OR9Q1: variants seen among roughly 807,000 people sequenced by gnomAD.
The protein encoded by OR9Q1 is olfactory receptor 9Q1.
For missense variants in OR9Q1, 374 were observed against 378.8 expected (o/e 0.99, Z 0.11); for synonymous variants, 153 against 148.6 (o/e 1.03, Z -0.22).
chr11:58,118,928 G>T (rs2120128499), intron 2 of OR9Q1: 1 of 1,614,032 alleles, frequency 6.2e-7, no homozygotes. Context: ...AAGTTTATTT[G>T]ATTGTCCTTA....
chr11:58,167,804 C>T (rs1854519327), intron 2 of OR9Q1, among the ~76,000 whole-genome samples: 2 of 152,146 alleles, frequency 1.3e-5, no homozygotes, highest in Non-Finnish European at 2.9e-5. Context: ...GGCAAAGGTC[C>T]AAGAGTCAAA....
chr11:58,125,151 C>T (rs1455299494), intron 2 of OR9Q1: 1 of 151,998 alleles, frequency 6.6e-6, no homozygotes, highest in Non-Finnish European at 1.5e-5. Context: ...CCACGCCTCC[C>T]ACATGAAACT....
At chr11:58,166,477 G>A (rs1854505951) in intron 2 of OR9Q1, among the ~76,000 whole-genome samples, 1 of 151,508 alleles carries the variant, frequency 6.6e-6, no homozygotes. Context: ...GGATGTCACT[G>A]TAACTTGTTA....
At chr11:58,129,422 C>T (rs921867886) in intron 2 of OR9Q1, among the ~76,000 whole-genome samples, 1 of 152,170 alleles carries the variant, frequency 6.6e-6, no homozygotes, top group Admixed American at 6.5e-5. Flanking sequence ...AAACCTACAT[C>T]AGATTCTGTA....
At chr11:58,155,194 T>A (rs985681745) in intron 2 of OR9Q1, among the ~76,000 whole-genome samples, 2 of 151,888 alleles carry the variant, frequency 1.3e-5, no homozygotes, top group African/African-American at 4.8e-5. Context: ...AGAGGAAGAA[T>A]TCATTATTTT....
intron 2 of OR9Q1, among the ~76,000 whole-genome samples, chr11:58,176,119 T>A (rs904716441): frequency 2.0e-5 from 3 of 152,212 alleles, no homozygotes; most frequent in Non-Finnish European, 4.4e-5. Flanking sequence ...TTGGCCCTCC[T>A]GGGTAATGTG....
chr11:58,030,685 C>A (rs1853022774), intron 1 of OR9Q1, among the ~76,000 whole-genome samples: 1 of 152,206 alleles, frequency 6.6e-6, no homozygotes, highest in Non-Finnish European at 1.5e-5. Flanking sequence ...AGGAAGATTT[C>A]TCAAGACTGG....
intron 2 of OR9Q1, among the ~76,000 whole-genome samples, chr11:58,175,220 G>A (rs1854593369): frequency 6.6e-6 from 1 of 151,872 alleles, no homozygotes; most frequent in Admixed American, 6.6e-5. Flanking sequence ...TTTGGAACTG[G>A]GAAAAGAGAA....
chr11:58,114,398 A>G (rs1158915477), intron 2 of OR9Q1, among the ~76,000 whole-genome samples: 1 of 152,100 alleles, frequency 6.6e-6, no homozygotes, highest in Admixed American at 6.6e-5. Flanking sequence ...GTGATGATTT[A>G]CCTCCCCTTA....
At chr11:58,168,593 T>TG (rs1026115906) in intron 2 of OR9Q1, among the ~76,000 whole-genome samples, 2 of 151,686 alleles carry the variant, frequency 1.3e-5, no homozygotes, top group African/African-American at 4.8e-5. Context: ...TATTTGTTGT[T>TG]TTTTTTTTTC....
intron 1 of OR9Q1, chr11:58,040,933 G>T (rs1853155968): frequency 6.6e-6 from 1 of 152,278 alleles, no homozygotes; most frequent in Admixed American, 6.5e-5. Context: ...TGGTGTCTTT[G>T]CTGTGGGCAT....
chr11:58,025,464 G>A (rs1240796279), intron 1 of OR9Q1, among the ~76,000 whole-genome samples: 1 of 152,228 alleles, frequency 6.6e-6, no homozygotes, highest in Non-Finnish European at 1.5e-5. Context: ...CTCCCAAGGT[G>A]TTGGGATTGC....
intron 2 of OR9Q1, among the ~76,000 whole-genome samples, chr11:58,102,259 TTTTTACCC>T (rs1853791558): frequency 5.8e-4 from 1 of 1,720 alleles, no homozygotes; most frequent in African/African-American, 1.9e-3. Flanking sequence ...TTGTATACCC[TTTTTACCC>T]TTTTTAACTT....
In OR9Q1 at chr11:58,180,362, A is replaced by C. The variant is rs775502126; in HGVS notation, c.918A>C (p.Arg306Ser). ...AGGCCCTGAGAAAAATTCTCAATAG[A>C]GCCAAGTTGTCCTAACCATCTCCAA... ...VKEALRKILN[R>S]AKLS Residue 306 changes from arginine to serine, a missense_variant, in exon 3 of 3, where the codon AGA becomes AGC. Coordinates refer to ENST00000335397, the MANE Select transcript of OR9Q1 (RefSeq NM_001005212.4). The C allele has an allele frequency of 1.3e-6, 2 of 1,588,032 alleles. No individual in the cohort carries two copies. The highest frequency in any genetic ancestry group is 2.7e-5 in the African/African-American group (2 of 74,398).
At chr11:58,105,970 G>A (rs1361656985) in intron 2 of OR9Q1, among the ~76,000 whole-genome samples, 1 of 151,948 alleles carries the variant, frequency 6.6e-6, no homozygotes, top group African/African-American at 2.4e-5. Context: ...AAACTCTTTT[G>A]GATATATGTC....
At chr11:58,103,033 C>A (rs1254843597) in intron 2 of OR9Q1, among the ~76,000 whole-genome samples, 4 of 151,972 alleles carry the variant, frequency 2.6e-5, no homozygotes, top group Non-Finnish European at 5.9e-5. Flanking sequence ...TCACTGAATT[C>A]TTTGCATCTA....
chr11:58,130,255 T>G (rs1854127787), intron 2 of OR9Q1, among the ~76,000 whole-genome samples: 1 of 151,856 alleles, frequency 6.6e-6, no homozygotes, highest in Non-Finnish European at 1.5e-5. Flanking sequence ...GAGTGCTGAG[T>G]TTACAAAGAA....
intron 2 of OR9Q1, among the ~76,000 whole-genome samples, chr11:58,089,357 TG>T (rs1249722914): frequency 1.3e-5 from 2 of 151,928 alleles, no homozygotes; most frequent in African/African-American, 4.9e-5. Context: ...TTCAGTTTTT[TG>T]CATATGGCTA....
At chr11:58,130,017 T>G (rs1854125879) in intron 2 of OR9Q1, among the ~76,000 whole-genome samples, 1 of 152,196 alleles carries the variant, frequency 6.6e-6, no homozygotes, top group Non-Finnish European at 1.5e-5. Flanking sequence ...GCCATACCCA[T>G]CAACCCATCA....
Sources: gnomAD v4.1 joint callset for allele counts (sites outside exome capture counted in the v4.1 genomes callset) on GRCh38, gnomAD v4.1.1 for gene constraint, MANE v1.5 for transcripts, NCBI Gene and HGNC (gene_info 2026-07-23, HGNC 2026-07-21) for gene names.